PRPF4: variants seen among roughly 807,000 people sequenced by gnomAD.
The protein encoded by PRPF4 is pre-mRNA splicing tri-snRNP complex factor PRPF4, also known as U4/U6 small nuclear ribonucleoprotein Prp4.
Under a neutral mutation model 72.2 loss-of-function variants are expected in PRPF4, and 14 were observed. The observed-to-expected ratio is 0.19, with a 90% CI of 0.13 to 0.30. The LOEUF (loss-of-function observed/expected upper bound fraction) is 0.30. Ranked by LOEUF, PRPF4 falls within the 10% of genes least tolerant of loss-of-function variation. The pLI is 1.00. For synonymous variants in PRPF4, 225 were observed against 232.2 expected, an observed-to-expected ratio of 0.97 and a Z score of 0.28; for missense variants, 478 against 653.9, an observed-to-expected ratio of 0.73 and a Z score of 2.93.
intron 9 of PRPF4, among the ~76,000 whole-genome samples, chr9:113,287,406 G>GC (rs1564255399): frequency 1.3e-5 from 2 of 151,868 alleles, no homozygotes; most frequent in African/African-American, 4.8e-5. Context: ...ATGTCTCCTC[G>GC]CAATAGCATC....
intron 2 of PRPF4, among the ~76,000 whole-genome samples, chr9:113,278,525 G>A (rs1425760986): frequency 6.6e-6 from 1 of 152,228 alleles, no homozygotes; most frequent in East Asian, 1.9e-4. Context: ...ATTATTTGCA[G>A]TTTAGTAGTT....
chr9:113,280,623 T>C (rs796771181), intron 3 of PRPF4, among the ~76,000 whole-genome samples: 1 of 152,214 alleles, frequency 6.6e-6, no homozygotes, highest in South Asian at 2.1e-4. Context: ...AAACATGTTG[T>C]GTTAATTGCT....
rs898939584 is a variant in PRPF4 at position 113,292,165 on chromosome 9, G to C, written c.*505G>C. 1 of 154,280 alleles carries C rather than the reference G, an allele frequency of 6.5e-6. No homozygotes were observed. The highest frequency in any genetic ancestry group is 1.4e-5 in the Non-Finnish European group (1 of 69,546). 9.6% of individuals were successfully genotyped at this position (154,280 alleles called of 1,614,324 possible). On this transcript the variant is annotated 3_prime_UTR_variant, in exon 14 of 14. Transcript: ENST00000374198. ...GGAGGCAGAGGTTGCAGTGAGCCGA[G>C]ATTGCGCCATTGCACTCTAGCCTGT...
intron 11 of PRPF4, 49 bp downstream of exon 11, chr9:113,290,637 T>A (rs752957129): frequency 6.2e-7 from 1 of 1,614,132 alleles, no homozygotes; most frequent in South Asian, 1.1e-5. Context: ...TCTCACCTCT[T>A]ACCTATACCT....
Position 113,291,768 on chromosome 9 carries a change from ATGC to A in PRPF4, c.*109_*111del, listed in dbSNP as rs1274554438. ...TCTATCATGTTTTCTGCCAATTACC[ATGC>A]ATAGACCCTCAGTAGAATTGGATTT... On this transcript the variant is annotated 3_prime_UTR_variant, in exon 14 of 14. Transcript: ENST00000374198. 2.7e-6 allele frequency: 3 copies of A among 1,100,182 alleles called. No individual in the cohort carries two copies. The African/African-American group carries it at 4.7e-5, about 17-fold the overall frequency. 68.2% of individuals were successfully genotyped at this position (1,100,182 alleles called of 1,614,324 possible). A position where few individuals can be genotyped will look rare whatever the true frequency, so the allele number is the denominator to read the frequency against.
At chr9:113,285,602 T>A (rs1017081175) in intron 7 of PRPF4, among the ~76,000 whole-genome samples, 1 of 151,486 alleles carries the variant, frequency 6.6e-6, no homozygotes, top group East Asian at 1.9e-4. Flanking sequence ...ATGGGCTCGA[T>A]CTCCTGACCT....
At chr9:113,286,319 T>G (rs1432872156) in intron 8 of PRPF4, 29 bp downstream of exon 8, 1 of 1,577,692 alleles carries the variant, frequency 6.3e-7, no homozygotes, top group Non-Finnish European at 8.7e-7. Context: ...CAAATCTCGG[T>G]CTTTTTCCCA....
chr9:113,283,172 A>C lies in PRPF4; in HGVS notation c.521A>C (p.Lys174Thr). 6.2e-7 allele frequency: 1 copy of C among 1,614,222 alleles called. No individual in the cohort carries two copies. The highest frequency in any genetic ancestry group is 1.6e-4 in the Middle Eastern group (1 of 6,062). ...TWYHEGPNSL[K>T]VARLWIANYS... ...TATCATGAAGGACCAAATAGCTTGA[A>C]GGTGGCAAGACTATGGATTGCTAAT... Residue 174 changes from lysine to threonine, a missense_variant, in exon 5 of 14, where the codon AAG becomes ACG. Lys to Thr is a moderately conservative substitution (Grantham distance 78). Coordinates refer to ENST00000374198, the MANE Select transcript of PRPF4 (RefSeq NM_001244926.2).
intron 9 of PRPF4, 45 bp downstream of exon 9, chr9:113,286,873 G>T: frequency 6.2e-7 from 1 of 1,612,970 alleles, no homozygotes; most frequent in South Asian, 1.1e-5. Context: ...CACTAAAGTA[G>T]ATGTTTGATT....
chr9:113,283,267 C>T, intron 5 of PRPF4, 56 bp downstream of exon 5: 1 of 1,613,992 alleles, frequency 6.2e-7, no homozygotes, highest in Non-Finnish European at 8.5e-7. Flanking sequence ...TGTTTCCTCT[C>T]AGGAACTGAG....
intron 7 of PRPF4, 102 bp downstream of exon 7, chr9:113,284,491 T>A: frequency 1.1e-6 from 1 of 947,896 alleles, no homozygotes; most frequent in Non-Finnish European, 1.7e-6. Flanking sequence ...CCTCTTTCTC[T>A]GCTTCTCATG....
At chr9:113,278,261 A>T (rs1311640151) in intron 2 of PRPF4, among the ~76,000 whole-genome samples, 1 of 152,276 alleles carries the variant, frequency 6.6e-6, no homozygotes, top group East Asian at 1.9e-4. Flanking sequence ...AATTCAGACA[A>T]TGCCAAAGGG....
chr9:113,283,110 C>T, intron 4 of PRPF4, 22 bp from the exon 5 acceptor site: 1 of 1,614,172 alleles, frequency 6.2e-7, no homozygotes, highest in East Asian at 2.2e-5. Context: ...TTTGACCTTT[C>T]TGCTCTTAAT....
At chr9:113,276,087 A>G (rs1260468833) in intron 1 of PRPF4, among the ~76,000 whole-genome samples, 1 of 152,198 alleles carries the variant, frequency 6.6e-6, no homozygotes, top group Non-Finnish European at 1.5e-5. Flanking sequence ...TCAGAATTTT[A>G]ATGAGACCTA....
At chr9:113,287,561 G>A (rs1325228777) in intron 9 of PRPF4, among the ~76,000 whole-genome samples, 1 of 151,886 alleles carries the variant, frequency 6.6e-6, no homozygotes, top group Non-Finnish European at 1.5e-5. Flanking sequence ...CTTTCTTTGG[G>A]AAAACACATG....
intron 10 of PRPF4, among the ~76,000 whole-genome samples, chr9:113,289,804 C>G (rs1488904592): frequency 6.6e-6 from 1 of 152,116 alleles, no homozygotes; most frequent in Non-Finnish European, 1.5e-5. Flanking sequence ...TTTGTATCCC[C>G]AACATCCAAT....
intron 10 of PRPF4, among the ~76,000 whole-genome samples, chr9:113,290,230 A>G (rs549594071): frequency 2.0e-5 from 3 of 152,012 alleles, no homozygotes; most frequent in Non-Finnish European, 2.9e-5. Context: ...AAAAGAAGAA[A>G]AAAAAAAAAG....
In PRPF4 at chr9:113,286,728, A is replaced by G. The variant is rs757312022; in HGVS notation, c.832A>G (p.Ile278Val). 3 of 1,614,036 alleles carry G rather than the reference A, an allele frequency of 1.9e-6. No individual in the cohort carries two copies. The highest frequency in any genetic ancestry group is 1.7e-5 in the Admixed American group (1 of 60,002). The change falls in exon 9 of 14, where the codon ATT (isoleucine) becomes GTT (valine). Residue 278 changes from isoleucine to valine, a missense_variant. Coordinates refer to ENST00000374198, the MANE Select transcript of PRPF4 (RefSeq NM_001244926.2). ...LRGHNTNVGAIVFHPKSTVSL... is the reference protein window; with the variant it reads ...LRGHNTNVGAVVFHPKSTVSL... ...AGGGCATAACACAAATGTAGGAGCA[A>G]TTGTATTCCATCCCAAATCCACTGT... is the stretch of plus-strand genomic sequence containing the variant.
intron 7 of PRPF4, among the ~76,000 whole-genome samples, chr9:113,285,471 T>C (rs552150187): frequency 1.5e-4 from 21 of 142,352 alleles, no homozygotes; most frequent in South Asian, 9.4e-4. Context: ...CTCCACCTCC[T>C]GGGTTCACGC....
Sources: allele counts gnomAD v4.1 joint callset (sites outside exome capture counted in the v4.1 genomes callset), GRCh38; gene constraint gnomAD v4.1.1; transcripts MANE v1.5; gene names NCBI Gene and HGNC (gene_info 2026-07-23, HGNC 2026-07-21).